The following SV2C variants were observed in gnomAD, a reference collection of about 807,000 sequenced individuals.
SV2C encodes synaptic vesicle glycoprotein 2C.
SV2C carries 49 observed loss-of-function variants against 79.7 expected under a neutral mutation model. The observed-to-expected ratio is 0.61, with a 90% confidence interval of 0.49 to 0.78. The LOEUF is 0.78. Ranked by LOEUF, SV2C falls within the 30% of genes least tolerant of loss-of-function variation. The probability of loss-of-function intolerance (pLI) is 0.00; values close to 1 mark genes in which losing one functional copy is unlikely to be tolerated. For synonymous variants in SV2C, 334 were observed against 333.2 expected, an observed-to-expected ratio of 1.00 and a Z score of -0.03; for missense variants, 833 against 912.9, an observed-to-expected ratio of 0.91 and a Z score of 1.13.
chr5:75,899,771 T>G, the SV2C span, among the ~76,000 whole-genome samples: 1 of 152,160 alleles, frequency 6.6e-6, no homozygotes, highest in African/African-American at 2.4e-5. Flanking sequence ...GCATATATAT[T>G]TAGGATAGTT....
the SV2C span, among the ~76,000 whole-genome samples, chr5:75,948,435 A>G: frequency 6.6e-6 from 1 of 152,182 alleles, no homozygotes; most frequent in East Asian, 1.9e-4. Flanking sequence ...GCAATGATAC[A>G]CTCTGCTTTC....
upstream of SV2C, chr5:76,078,659 C>T: frequency 2.3e-6 from 1 of 441,660 alleles, no homozygotes; most frequent in Non-Finnish European, 4.5e-6. Flanking sequence ...GAGGGCCTCG[C>T]CTCACTGTCA....
the SV2C span, among the ~76,000 whole-genome samples, chr5:76,049,085 C>T: frequency 2.0e-5 from 3 of 151,458 alleles, no homozygotes; most frequent in African/African-American, 7.3e-5. Context: ...TGCCTATAAT[C>T]CCAACTCTTT....
chr5:75,887,769 A>C, the SV2C span, among the ~76,000 whole-genome samples: 3 of 151,922 alleles, frequency 2.0e-5, no homozygotes, highest in African/African-American at 7.2e-5. Flanking sequence ...AACAAACAAA[A>C]CCCCCCAAAA....
chr5:76,226,870 G>A (rs867242978), intron 4 of SV2C, among the ~76,000 whole-genome samples: 2 of 152,170 alleles, frequency 1.3e-5, no homozygotes, highest in African/African-American at 2.4e-5. Context: ...GAGAAAGGCA[G>A]GTGGGATGCC....
At chr5:75,937,684 G>A in the SV2C span, among the ~76,000 whole-genome samples, 1 of 152,074 alleles carries the variant, frequency 6.6e-6, no homozygotes, top group African/African-American at 2.4e-5. Flanking sequence ...ACTCCAGCCT[G>A]TGCAACACAG....
At chr5:76,092,045 A>T (rs1179748019) in intron 1 of SV2C, among the ~76,000 whole-genome samples, 1 of 152,148 alleles carries the variant, frequency 6.6e-6, no homozygotes, top group Non-Finnish European at 1.5e-5. Context: ...GTTAGTTAAA[A>T]ATATAGCAAT....
At chr5:75,945,998 C>T in the SV2C span, among the ~76,000 whole-genome samples, 1 of 149,958 alleles carries the variant, frequency 6.7e-6, no homozygotes, top group Non-Finnish European at 1.5e-5. Flanking sequence ...AATTAATAAC[C>T]AAAGCTTCCA....
At chr5:76,003,662 A>G in the SV2C span, among the ~76,000 whole-genome samples, 4 of 152,148 alleles carry the variant, frequency 2.6e-5, no homozygotes, top group East Asian at 7.7e-4. Context: ...AAACAACAAA[A>G]TATGATGATT....
intron 4 of SV2C, among the ~76,000 whole-genome samples, chr5:76,228,508 C>T (rs976341233): frequency 3.3e-5 from 5 of 152,070 alleles, no homozygotes; most frequent in Admixed American, 6.5e-5. Flanking sequence ...TGGAAAAACC[C>T]GTAACGGAGC....
chr5:76,106,623 A>G (rs1747927146), intron 1 of SV2C, among the ~76,000 whole-genome samples: 1 of 152,124 alleles, frequency 6.6e-6, no homozygotes, highest in Non-Finnish European at 1.5e-5. Flanking sequence ...TACATCAAGC[A>G]TGCCCCTGAC....
rs568619208 is a variant in SV2C at position 76,295,281 on chromosome 5, T to C, written c.1338-497T>C. Among the ~76,000 whole-genome samples, 21 of 152,280 alleles carry C rather than the reference T, an allele frequency of 1.4e-4. No homozygotes were observed. In the South Asian group the frequency reaches 4.1e-3, roughly 30 times the overall value. ...AGTCCTCCAGAGGGGACAAATACTG[T>C]GTCCTCAGTGGTAGAAGGGATGGAA... On this transcript the variant is annotated intron_variant, in intron 8 of 12. Coordinates refer to ENST00000502798, the MANE Select transcript of SV2C (RefSeq NM_014979.4).
the SV2C span, among the ~76,000 whole-genome samples, chr5:75,958,541 C>G: frequency 6.6e-6 from 1 of 152,028 alleles, no homozygotes. Flanking sequence ...AATTGTACCA[C>G]AGAAAACATT....
intron 4 of SV2C, among the ~76,000 whole-genome samples, chr5:76,218,670 A>G (rs749151234): frequency 2.0e-5 from 3 of 152,198 alleles, no homozygotes; most frequent in Admixed American, 1.3e-4. Context: ...AACCTAGATG[A>G]TGGGTTGATA....
chr5:75,864,802 C>T, the SV2C span, among the ~76,000 whole-genome samples: 1 of 152,220 alleles, frequency 6.6e-6, no homozygotes, highest in African/African-American at 2.4e-5. Flanking sequence ...GGCTGATAGC[C>T]TTTTGGGTTC....
the SV2C span, among the ~76,000 whole-genome samples, chr5:76,070,262 T>G: frequency 6.6e-6 from 1 of 152,168 alleles, no homozygotes; most frequent in Non-Finnish European, 1.5e-5. Flanking sequence ...CTCCTTTTAC[T>G]CTAAAGAGCC....
chr5:75,990,222 T>C, the SV2C span, among the ~76,000 whole-genome samples: 1 of 152,056 alleles, frequency 6.6e-6, no homozygotes, highest in African/African-American at 2.4e-5. Flanking sequence ...TCTTTGCCCA[T>C]GCCTATGTTC....
At chr5:76,114,812 C>A (rs1311844312) in intron 1 of SV2C, among the ~76,000 whole-genome samples, 2 of 152,236 alleles carry the variant, frequency 1.3e-5, no homozygotes, top group African/African-American at 4.8e-5. Context: ...GTTTCACAAT[C>A]ATCTTTCCTT....
At chr5:75,963,585 AT>A in the SV2C span, among the ~76,000 whole-genome samples, 1 of 151,716 alleles carries the variant, frequency 6.6e-6, no homozygotes, top group Non-Finnish European at 1.5e-5. Flanking sequence ...GCTTTTATAT[AT>A]TTTTTACTTA....
Sources: gnomAD v4.1 joint callset for allele counts (sites outside exome capture counted in the v4.1 genomes callset) on GRCh38, gnomAD v4.1.1 for gene constraint, MANE v1.5 for transcripts, NCBI Gene and HGNC (gene_info 2026-07-23, HGNC 2026-07-21) for gene names.